The following AFF1 variants were observed in gnomAD, a reference collection of about 807,000 sequenced individuals.
AFF1 encodes AF4/FMR2 family member 1.
In AFF1, 48 loss-of-function variants were observed where a neutral mutation model predicts 121.7. That is an observed-to-expected ratio of 0.39 (90% CI 0.31 to 0.50). The LOEUF is 0.50. Among genes scored for constraint, AFF1 ranks in the 20% least tolerant of loss-of-function variants. The pLI is 0.76. For missense variants in AFF1, 1,523 were observed against 1,511.7 expected (o/e 1.01, Z -0.12); for synonymous variants, 613 against 563.0 (o/e 1.09, Z -1.26).
At chr4:87,054,278 G>GC (rs1481791778) in intron 4 of AFF1, among the ~76,000 whole-genome samples, 2 of 152,216 alleles carry the variant, frequency 1.3e-5, no homozygotes, top group Non-Finnish European at 2.9e-5. Flanking sequence ...AGCTACAGGG[G>GC]CCCCTCCCAG....
At chr4:86,991,019 G>A (rs1288399952) in intron 2 of AFF1, among the ~76,000 whole-genome samples, 1 of 152,142 alleles carries the variant, frequency 6.6e-6, no homozygotes, top group Non-Finnish European at 1.5e-5. Flanking sequence ...GGGCGTGGTG[G>A]CGGGCGCCTG....
intron 2 of AFF1, among the ~76,000 whole-genome samples, chr4:86,963,237 C>G (rs1431159302): frequency 1.4e-5 from 2 of 143,614 alleles, no homozygotes; most frequent in African/African-American, 5.1e-5. Flanking sequence ...TTTAATAATA[C>G]TTTTTATCCT....
rs1729566675 is a variant in AFF1, at chr4:87,139,669, C to T, written c.*3968C>T. On this transcript the variant is annotated 3_prime_UTR_variant, in exon 21 of 21. Transcript: ENST00000395146. ...GTTGTCTCTTTTGTTTTGGGTCCCA[C>T]TTAGGATTAATGGATGTAAGGTATT... The T allele has an allele frequency of 8.7e-6, 2 of 229,566 alleles. No homozygotes were observed. The highest frequency in any genetic ancestry group is 1.2e-4 in the East Asian group (2 of 16,166). The allele number at this position is 229,566 out of a possible 1,614,324, so 14.2% of individuals were successfully genotyped here.
chr4:87,061,976 GCATT>G (rs560934894), intron 4 of AFF1, among the ~76,000 whole-genome samples: 9 of 152,076 alleles, frequency 5.9e-5, no homozygotes, highest in Non-Finnish European at 8.8e-5. Flanking sequence ...TATGATTCAG[GCATT>G]CATTCATTCA....
intron 2 of AFF1, chr4:86,949,540 T>TATTA: frequency 8.0e-6 from 1 of 124,964 alleles, no homozygotes. Context: ...TATTATTATT[T>TATTA]TTTTTTTTTT....
chr4:87,106,775 G>A (rs542766867), intron 10 of AFF1, among the ~76,000 whole-genome samples: 6 of 152,318 alleles, frequency 3.9e-5, no homozygotes, highest in African/African-American at 1.4e-4. Context: ...CTTGAGATGT[G>A]CTCATCCACT....
At chr4:87,068,659 A>G (rs993127537) in intron 4 of AFF1, among the ~76,000 whole-genome samples, 13 of 152,242 alleles carry the variant, frequency 8.5e-5, no homozygotes, top group Non-Finnish European at 1.6e-4. Context: ...TTTCAAATGT[A>G]CAGGGGGAAG....
intron 2 of AFF1, among the ~76,000 whole-genome samples, chr4:87,027,114 G>GA (rs1728602396): frequency 6.6e-6 from 1 of 152,220 alleles, no homozygotes; most frequent in African/African-American, 2.4e-5. Context: ...AATACTGGGG[G>GA]AGGAAATGAG....
chr4:86,983,343 A>G (rs1013986855), intron 2 of AFF1, among the ~76,000 whole-genome samples: 1 of 152,084 alleles, frequency 6.6e-6, no homozygotes, highest in African/African-American at 2.4e-5. Flanking sequence ...CCTGACCAAC[A>G]TGGAGAAACC....
At chr4:87,082,762 G>A (rs1723301110) in intron 4 of AFF1, among the ~76,000 whole-genome samples, 1 of 152,114 alleles carries the variant, frequency 6.6e-6, no homozygotes, top group Non-Finnish European at 1.5e-5. Flanking sequence ...TTCAATTACA[G>A]GACGGTGTGA....
intron 2 of AFF1, among the ~76,000 whole-genome samples, chr4:86,956,875 G>A (rs555843806): frequency 7.7e-4 from 117 of 152,204 alleles, no homozygotes; most frequent in African/African-American, 2.8e-3. Context: ...TTCCACATAT[G>A]TTTTTATTTC....
intron 4 of AFF1, among the ~76,000 whole-genome samples, chr4:87,080,758 A>G (rs1271291660): frequency 6.6e-6 from 1 of 152,242 alleles, no homozygotes; most frequent in Non-Finnish European, 1.5e-5. Flanking sequence ...GCCAAGTTGC[A>G]CTTTATGAGA....
At chr4:87,028,109 TAAG>T (rs1240501662) in intron 2 of AFF1, among the ~76,000 whole-genome samples, 1 of 152,150 alleles carries the variant, frequency 6.6e-6, no homozygotes, top group Non-Finnish European at 1.5e-5. Context: ...CCAAAACACT[TAAG>T]GTCCCAAGCA....
chr4:87,079,594 C>T (rs1247058079), intron 4 of AFF1, among the ~76,000 whole-genome samples: 2 of 152,214 alleles, frequency 1.3e-5, no homozygotes. Flanking sequence ...TTGTTTCTTG[C>T]AGCAGTGTTG....
At chr4:87,119,542 G>T (rs1477193281) in intron 12 of AFF1, among the ~76,000 whole-genome samples, 1 of 152,218 alleles carries the variant, frequency 6.6e-6, no homozygotes, top group South Asian at 2.1e-4. Context: ...CTGCACTCCA[G>T]CATGGGCAAC....
At chr4:87,098,118 A>G (rs1458978124) in intron 8 of AFF1, among the ~76,000 whole-genome samples, 3 of 152,204 alleles carry the variant, frequency 2.0e-5, no homozygotes, top group African/African-American at 7.2e-5. Context: ...GACAAGTGGA[A>G]TAGGACATAT....
At chr4:87,009,138 C>G (rs898311203) in intron 2 of AFF1, among the ~76,000 whole-genome samples, 1 of 152,206 alleles carries the variant, frequency 6.6e-6, no homozygotes, top group East Asian at 1.9e-4. Flanking sequence ...TGCTGTGTGC[C>G]AGGCACAGCA....
chr4:87,089,923 A>G, intron 5 of AFF1, 61 bp from the exon 6 acceptor site: 1 of 1,241,870 alleles, frequency 8.1e-7, no homozygotes, highest in East Asian at 2.3e-5. Context: ...CAAAATGTTA[A>G]GTAGCAATGA....
intron 18 of AFF1, 72 bp downstream of exon 18, chr4:87,131,936 A>G: frequency 7.8e-7 from 1 of 1,287,758 alleles, no homozygotes; most frequent in South Asian, 1.6e-5. Context: ...AAAGATTCTG[A>G]AATTTGTTTT....
Sources: gnomAD v4.1 joint callset for allele counts (sites outside exome capture counted in the v4.1 genomes callset) on GRCh38, gnomAD v4.1.1 for gene constraint, MANE v1.5 for transcripts, NCBI Gene and HGNC (gene_info 2026-07-23, HGNC 2026-07-21) for gene names.